The following ANLN variants were observed in gnomAD, a reference collection of about 807,000 sequenced individuals.
ANLN encodes anillin.
A neutral mutation model predicts 135.1 loss-of-function variants in ANLN; 59 were observed. The observed-to-expected ratio is 0.44, with a 90% CI of 0.35 to 0.54. ANLN has a LOEUF of 0.54. ANLN is among the 20% of genes least tolerant of loss of function. ANLN has a pLI of 0.00. For synonymous variants in ANLN, 406 were observed against 456.4 expected, an observed-to-expected ratio of 0.89 and a Z score of 1.41; for missense variants, 1,182 against 1,340.0, an observed-to-expected ratio of 0.88 and a Z score of 1.84.
At chr7:36,407,274 C>A (rs1378362040) in intron 4 of ANLN, among the ~76,000 whole-genome samples, 1 of 151,926 alleles carries the variant, frequency 6.6e-6, no homozygotes, top group Admixed American at 6.6e-5. Context: ...ATTTGGAGGG[C>A]TAAATAAGAG....
chr7:36,438,800 A>AT (rs1788651029), intron 20 of ANLN, among the ~76,000 whole-genome samples: 1 of 152,214 alleles, frequency 6.6e-6, no homozygotes. Flanking sequence ...TTACATATGA[A>AT]TTCAAGGACT....
intron 10 of ANLN, 93 bp downstream of exon 10, chr7:36,419,572 C>A: frequency 2.8e-6 from 3 of 1,073,454 alleles, no homozygotes; most frequent in Non-Finnish European, 4.0e-6. Flanking sequence ...GGACATTTGG[C>A]TCAGTAGCCA....
intron 20 of ANLN, among the ~76,000 whole-genome samples, chr7:36,436,377 T>C (rs1387639572): frequency 6.6e-6 from 1 of 152,212 alleles, no homozygotes; most frequent in Non-Finnish European, 1.5e-5. Context: ...TTGATAGATA[T>C]TTGGGCTGTT....
chr7:36,443,274 T>A (rs79020852), intron 21 of ANLN, among the ~76,000 whole-genome samples: 3,115 of 152,336 alleles, frequency 0.02, 49 homozygotes, highest in Middle Eastern at 0.058. Context: ...AGGCTTATGA[T>A]CATAAGTTAA....
At chr7:36,399,935 C>T (rs987400618) in intron 3 of ANLN, among the ~76,000 whole-genome samples, 3 of 151,244 alleles carry the variant, frequency 2.0e-5, no homozygotes, top group African/African-American at 7.3e-5. Context: ...AACAGTTATG[C>T]AACAGGGTTA....
rs1349994618 is a variant in ANLN at position 36,449,655 on chromosome 7, G to A, written c.3079-10G>A. On this transcript the variant is annotated splice_polypyrimidine_tract_variant and intron_variant, in intron 22 of 23. Transcript: ENST00000265748. ...ATTTTCTACTAATTTCTCTTAATTT[G>A]TTTTTAAAGAATCCCATAGGAAGGA... The A allele has an allele frequency of 4.4e-6, 7 of 1,599,436 alleles. No homozygotes were observed. Among genetic ancestry groups the A allele is most frequent in the Non-Finnish European group, 6.0e-6 (7 of 1,172,308 alleles).
chr7:36,424,137 C>T (rs1034506701), intron 15 of ANLN, among the ~76,000 whole-genome samples, 194 bp downstream of exon 15: 4 of 152,026 alleles, frequency 2.6e-5, no homozygotes, highest in Non-Finnish European at 5.9e-5. Context: ...TGAATAGCAC[C>T]TTTTTTCCAC....
At chr7:36,406,665 T>C (rs1787204853) in intron 4 of ANLN, 99 bp downstream of exon 4, 2 of 1,087,904 alleles carry the variant, frequency 1.8e-6, no homozygotes, top group Admixed American at 5.5e-5. Flanking sequence ...GGTGGATATA[T>C]GTTTTATAAT....
At chr7:36,424,952 G>A (rs940458769) in intron 17 of ANLN, among the ~76,000 whole-genome samples, 4 of 152,014 alleles carry the variant, frequency 2.6e-5, no homozygotes, top group South Asian at 2.1e-4. Context: ...TGATACACTC[G>A]GGCTAGATAA....
intron 9 of ANLN, among the ~76,000 whole-genome samples, chr7:36,418,214 T>C (rs1787726918): frequency 6.6e-6 from 1 of 152,230 alleles, no homozygotes; most frequent in African/African-American, 2.4e-5. Context: ...CCCAGTTCTC[T>C]TGGGTTTCAG....
chr7:36,421,198 G>T (rs1332477130), intron 12 of ANLN, among the ~76,000 whole-genome samples: 1 of 151,806 alleles, frequency 6.6e-6, no homozygotes, highest in Non-Finnish European at 1.5e-5. Flanking sequence ...CTCCCAAGTA[G>T]CTGAGATTAC....
intron 20 of ANLN, among the ~76,000 whole-genome samples, chr7:36,427,832 A>G (rs6462674): frequency 0.41 from 62,778 of 152,016 alleles, 13,333 homozygotes; most frequent in Non-Finnish European, 0.46. Context: ...ATCACTATTG[A>G]GTCTTTTTTT....
chr7:36,405,971 G>GT (rs941645663), intron 3 of ANLN, among the ~76,000 whole-genome samples: 13 of 151,758 alleles, frequency 8.6e-5, no homozygotes, highest in South Asian at 2.1e-4. Flanking sequence ...AGATCTAATA[G>GT]TTTTTTTTTA....
rs76143945 is a variant in ANLN, at chr7:36,402,122, T to A, written c.487+2729T>A. Among the ~76,000 whole-genome samples, 2 of 111,384 alleles carry A rather than the reference T, an allele frequency of 1.8e-5. 1 individual carries two copies. The highest frequency in any genetic ancestry group is 7.7e-5 in the African/African-American group (2 of 25,844). The allele number at this position is 111,384 out of a possible 152,430, so 73.1% of individuals were successfully genotyped here. On this transcript the variant is annotated intron_variant, in intron 3 of 23. Transcript: ENST00000265748. ...CTCTTCAATAAAGCTATTTTTTTTTTTTTTTTTGAGGTGGAGTCTTGCTGT... is the reference window on the plus strand; with the variant it reads ...CTCTTCAATAAAGCTATTTTTTTTTATTTTTTTGAGGTGGAGTCTTGCTGT...
chr7:36,416,632 A>G (rs1467817659), intron 8 of ANLN, among the ~76,000 whole-genome samples: 1 of 152,196 alleles, frequency 6.6e-6, no homozygotes, highest in Non-Finnish European at 1.5e-5. Context: ...GTAAAAAACA[A>G]ATTGCAGAGT....
intron 20 of ANLN, among the ~76,000 whole-genome samples, chr7:36,428,538 T>A (rs1446289528): frequency 6.6e-6 from 1 of 152,110 alleles, no homozygotes; most frequent in East Asian, 1.9e-4. Context: ...CCACTCTCAA[T>A]ACTTTAAAAC....
At chr7:36,446,763 A>G (rs1437521648) in intron 22 of ANLN, among the ~76,000 whole-genome samples, 1 of 152,184 alleles carries the variant, frequency 6.6e-6, no homozygotes. Context: ...GGTGAAGACA[A>G]ATATCAAAAC....
chr7:36,439,283 G>A lies in ANLN; in HGVS notation c.2963G>A (p.Gly988Asp). 1 of 1,543,384 alleles carries A rather than the reference G, an allele frequency of 6.5e-7. No individual in the cohort carries two copies. The highest frequency in any genetic ancestry group is 8.9e-7 in the Non-Finnish European group (1 of 1,123,440). Residue 988 changes from glycine to aspartate, a missense_variant, in exon 21 of 24, where the codon GGT becomes GAT. Coordinates refer to ENST00000265748, the MANE Select transcript of ANLN (RefSeq NM_018685.5). ...CQVNSSVEER[G>D]FLTIFEDVSG... Reference sequence around the variant, plus strand: ...GTGAATTCCAGTGTTGAAGAAAGAGGTTTTCTAGTAAGTAACATCACTTAG... The same window carrying A: ...GTGAATTCCAGTGTTGAAGAAAGAGATTTTCTAGTAAGTAACATCACTTAG...
chr7:36,427,177 G>A, intron 20 of ANLN, 149 bp downstream of exon 20: 1 of 484,430 alleles, frequency 2.1e-6, no homozygotes. Context: ...CTAGGTATGA[G>A]TGTACCTAAA....
Sources: allele counts gnomAD v4.1 joint callset (sites outside exome capture counted in the v4.1 genomes callset), GRCh38; gene constraint gnomAD v4.1.1; transcripts MANE v1.5; gene names NCBI Gene and HGNC (gene_info 2026-07-23, HGNC 2026-07-21).